SORD: variants seen among roughly 807,000 people sequenced by gnomAD.
The protein encoded by SORD is (R,R)-butanediol dehydrogenase.
In SORD, 18 loss-of-function variants were observed where a neutral mutation model predicts 35.6. The observed-to-expected ratio is 0.51, with a 90% CI of 0.35 to 0.75. The LOEUF (loss-of-function observed/expected upper bound fraction) is 0.75. SORD is among the 30% of genes least tolerant of loss of function. SORD has a pLI of 0.01. For missense variants in SORD, 250 were observed against 390.2 expected (o/e 0.64, Z 3.03); for synonymous variants, 106 against 152.9 (o/e 0.69, Z 2.26).
intron 7 of SORD, among the ~76,000 whole-genome samples, chr15:45,071,455 A>G (rs4775735): frequency 4.2e-4 from 64 of 151,986 alleles, no homozygotes; most frequent in Admixed American, 5.9e-4. Context: ...AGTGGAGGCT[A>G]TGATCGTGGT....
At chr15:45,054,292 T>C (rs12591566) in intron 3 of SORD, among the ~76,000 whole-genome samples, 147,336 of 152,084 alleles carry the variant, frequency 0.97, 71,439 homozygotes, top group Non-Finnish European at 0.99. Flanking sequence ...TTCAACACAT[T>C]CTCTCCAGCA....
chr15:45,052,981 G>T (rs546366278), intron 3 of SORD, among the ~76,000 whole-genome samples: 1 of 152,296 alleles, frequency 6.6e-6, no homozygotes, highest in African/African-American at 2.4e-5. Context: ...AAGACAGAAG[G>T]TGCTGAGATA....
intron 3 of SORD, among the ~76,000 whole-genome samples, chr15:45,059,422 C>T (rs1251006072): frequency 1.3e-5 from 2 of 151,754 alleles, no homozygotes; most frequent in Non-Finnish European, 2.9e-5. Context: ...AGGTTTTTTC[C>T]ATCAATAAGA....
At chr15:45,029,043 G>A (rs1892726266) in intron 1 of SORD, among the ~76,000 whole-genome samples, 1 of 152,238 alleles carries the variant, frequency 6.6e-6, no homozygotes, top group Non-Finnish European at 1.5e-5. Flanking sequence ...GTGATGAGAT[G>A]CAGGCTACTT....
intron 3 of SORD, among the ~76,000 whole-genome samples, chr15:45,055,967 T>G (rs1411340914): frequency 1.3e-5 from 2 of 151,816 alleles, no homozygotes; most frequent in Non-Finnish European, 2.9e-5. Context: ...TCTCAATAAA[T>G]TAGGTATTGA....
chr15:45,051,969 T>A (rs1045117417), intron 3 of SORD, among the ~76,000 whole-genome samples: 3 of 152,246 alleles, frequency 2.0e-5, no homozygotes, highest in Admixed American at 6.5e-5. Context: ...ATTTTTATAA[T>A]GCTTCCACAA....
At chr15:45,034,457 T>A (rs1422458867) in intron 1 of SORD, among the ~76,000 whole-genome samples, 1 of 152,192 alleles carries the variant, frequency 6.6e-6, no homozygotes, top group Non-Finnish European at 1.5e-5. Flanking sequence ...AAGGGACCAA[T>A]GACGACATAG....
chr15:45,070,914 G>T (rs112730067), intron 7 of SORD, among the ~76,000 whole-genome samples: 9,457 of 152,314 alleles, frequency 0.062, 409 homozygotes, highest in Non-Finnish European at 0.092. Flanking sequence ...GGCAGGCATG[G>T]AGTTGAATGT....
intron 1 of SORD, among the ~76,000 whole-genome samples, chr15:45,029,877 C>T (rs1440593036): frequency 6.6e-6 from 1 of 152,256 alleles, no homozygotes; most frequent in African/African-American, 2.4e-5. Context: ...CAGGTCATTT[C>T]CCCCTCTACC....
chr15:45,048,351 T>C (rs1264292324), intron 3 of SORD, among the ~76,000 whole-genome samples: 3 of 152,140 alleles, frequency 2.0e-5, no homozygotes, highest in Non-Finnish European at 4.4e-5. Context: ...AAAATAAATA[T>C]GGAGCAGAAG....
At chr15:45,053,204 A>G (rs1893157272) in intron 3 of SORD, among the ~76,000 whole-genome samples, 1 of 152,228 alleles carries the variant, frequency 6.6e-6, no homozygotes, top group African/African-American at 2.4e-5. Flanking sequence ...CAAGCATACC[A>G]AGAAGCCTTT....
chr15:45,063,974 G>A (rs1465194092), intron 4 of SORD, among the ~76,000 whole-genome samples: 2 of 148,860 alleles, frequency 1.3e-5, no homozygotes, highest in African/African-American at 2.5e-5. Flanking sequence ...TTGGCCTGGT[G>A]AGTAGTTCTG....
At chr15:45,040,505 G>A (rs1445329894) in intron 2 of SORD, 64 bp downstream of exon 2, 15 of 1,231,136 alleles carry the variant, frequency 1.2e-5, no homozygotes, top group Admixed American at 1.8e-5. Context: ...GGAGTCACAT[G>A]TATATTGTTC....
chr15:45,037,530 G>C (rs61074192), intron 1 of SORD, among the ~76,000 whole-genome samples: 4,791 of 152,234 alleles, frequency 0.031, 146 homozygotes, highest in South Asian at 0.11. Flanking sequence ...AGCAGGGAGG[G>C]TGGGGTGCTC....
rs1893560947 is a variant in SORD at position 45,074,349 on chromosome 15, C to T, written c.*819C>T. 1 of 149,476 alleles carries T rather than the reference C, an allele frequency of 6.7e-6. No homozygotes were observed. Among genetic ancestry groups the T allele is most frequent in the Admixed American group, 6.6e-5 (1 of 15,154 alleles). The allele number at this position is 149,476 out of a possible 1,614,324, so 9.3% of individuals were successfully genotyped here. On this transcript the variant is annotated 3_prime_UTR_variant, in exon 9 of 9. Coordinates refer to ENST00000267814, the MANE Select transcript of SORD (RefSeq NM_003104.6). The stretch of plus-strand genomic sequence containing the variant: ...CAACCAGGAAACTGCTACTTGTGGA[C>T]CTCACCAGAGACCAGGAGGGTTTGG...
intron 1 of SORD, chr15:45,036,477 A>C (rs1460046571): frequency 2.6e-6 from 1 of 382,122 alleles, no homozygotes; most frequent in African/African-American, 2.2e-5. Context: ...AGATCAATTG[A>C]GGCCAGGAGT....
In SORD at chr15:45,037,234, C is replaced by T. The variant is rs113882667; in HGVS notation, c.67-3174C>T. The stretch of plus-strand genomic sequence containing the variant: ...TGTTCTGCTACAGGCACAGCACAGG[C>T]TGTGGGCACAGCACCCTCTCGTGTC... On this transcript the variant is annotated intron_variant, in intron 1 of 8. Transcript: ENST00000267814. Among the ~76,000 whole-genome samples the T allele has an allele frequency of 2.9e-3, 438 of 152,372 alleles. 6 individuals are homozygous for T. The highest frequency in any genetic ancestry group is 1.0e-2 in the African/African-American group (415 of 41,586).
chr15:45,054,781 C>A (rs1017304646), intron 3 of SORD, among the ~76,000 whole-genome samples: 1 of 151,588 alleles, frequency 6.6e-6, no homozygotes, highest in Non-Finnish European at 1.5e-5. Context: ...GGTTTTAGGT[C>A]TAACGTTTAA....
chr15:45,046,970 A>T (rs1427108515), intron 3 of SORD: 1 of 152,290 alleles, frequency 6.6e-6, no homozygotes. Flanking sequence ...GTGAGCTGAG[A>T]TCATGCCATT....
Sources: allele counts gnomAD v4.1 joint callset (sites outside exome capture counted in the v4.1 genomes callset), GRCh38; gene constraint gnomAD v4.1.1; transcripts MANE v1.5; gene names NCBI Gene and HGNC (gene_info 2026-07-23, HGNC 2026-07-21).